UNC5B: variants seen among roughly 807,000 people sequenced by gnomAD.
The protein encoded by UNC5B is unc-5 netrin receptor B.
A neutral mutation model predicts 103.7 loss-of-function variants in UNC5B; 56 were observed. The ratio of observed to expected loss-of-function variants is 0.54; its 90% CI spans 0.44 to 0.67. The LOEUF (loss-of-function observed/expected upper bound fraction) is 0.67, where lower values mean the gene tolerates loss of function less well. Ranked by LOEUF, UNC5B falls within the 30% of genes least tolerant of loss-of-function variation. The probability of loss-of-function intolerance (pLI) is 0.00; values close to 1 mark genes in which losing one functional copy is unlikely to be tolerated. For synonymous variants in UNC5B, 577 were observed against 542.0 expected, an observed-to-expected ratio of 1.06 and a Z score of -0.90; for missense variants, 1,194 against 1,284.5, an observed-to-expected ratio of 0.93 and a Z score of 1.08.
At chr10:71,260,063 G>T (rs1011995126) in intron 1 of UNC5B, among the ~76,000 whole-genome samples, 6 of 152,130 alleles carry the variant, frequency 3.9e-5, no homozygotes, top group Non-Finnish European at 8.8e-5. Context: ...GAGAGAGGTA[G>T]GGGGGGCATG....
intron 2 of UNC5B, among the ~76,000 whole-genome samples, chr10:71,280,795 G>A (rs1174053397): frequency 1.3e-5 from 2 of 152,228 alleles, no homozygotes; most frequent in African/African-American, 4.8e-5. Flanking sequence ...TGATAGTGCA[G>A]GAGCCCTCGG....
intron 15 of UNC5B, among the ~76,000 whole-genome samples, chr10:71,297,246 A>G (rs1845465292): frequency 6.6e-6 from 1 of 152,220 alleles, no homozygotes; most frequent in South Asian, 2.1e-4. Flanking sequence ...CTTGGCATAT[A>G]CCAAAAAACT....
chr10:71,227,928 G>T (rs919942748), intron 1 of UNC5B, among the ~76,000 whole-genome samples: 2 of 152,152 alleles, frequency 1.3e-5, no homozygotes, highest in Admixed American at 6.5e-5. Flanking sequence ...GGGTAAAGAA[G>T]AAGTAAAACT....
At chr10:71,279,798 G>C (rs1192820038) in intron 1 of UNC5B, 23 bp from the exon 2 acceptor site, 22 of 1,606,658 alleles carry the variant, frequency 1.4e-5, no homozygotes, top group Non-Finnish European at 1.8e-5. Context: ...ACAGCCTCAT[G>C]GAGGTCTCCA....
chr10:71,235,091 A>ACTCTGCCTCTGCCTCTGC (rs749369234), intron 1 of UNC5B, among the ~76,000 whole-genome samples: 2 of 87,420 alleles, frequency 2.3e-5, no homozygotes, highest in Admixed American at 1.1e-4. Flanking sequence ...GCTGCCTCTG[A>ACTCTGCCTCTGCCTCTGC]CTCTGCCTCT....
intron 1 of UNC5B, among the ~76,000 whole-genome samples, chr10:71,252,662 C>T (rs1400948792): frequency 6.6e-6 from 1 of 152,208 alleles, no homozygotes; most frequent in Non-Finnish European, 1.5e-5. Flanking sequence ...GGCATCATTT[C>T]TCCCATCTTA....
chr10:71,214,230 T>A (rs994348307), intron 1 of UNC5B, among the ~76,000 whole-genome samples: 4 of 151,924 alleles, frequency 2.6e-5, no homozygotes, highest in Admixed American at 6.5e-5. Context: ...TCCTACCTCC[T>A]GCTGCGAAGT....
At chr10:71,219,101 C>G (rs1843398774) in intron 1 of UNC5B, among the ~76,000 whole-genome samples, 1 of 151,928 alleles carries the variant, frequency 6.6e-6, no homozygotes, top group South Asian at 2.1e-4. Context: ...AATCACAGTC[C>G]CTCGCCCCAC....
intron 1 of UNC5B, among the ~76,000 whole-genome samples, chr10:71,275,651 C>T (rs907981409): frequency 3.9e-5 from 6 of 152,082 alleles, no homozygotes; most frequent in African/African-American, 9.7e-5. Flanking sequence ...GTCACTTAAA[C>T]GCTTTTGGTC....
chr10:71,227,133 T>C (rs1332024710), intron 1 of UNC5B, among the ~76,000 whole-genome samples: 2 of 152,026 alleles, frequency 1.3e-5, no homozygotes, highest in Non-Finnish European at 2.9e-5. Context: ...TAGAGGTGTG[T>C]GCCACCATGC....
At chr10:71,296,487 C>T (rs1845415562) in intron 14 of UNC5B, 91 bp from the exon 15 acceptor site, 1 of 1,473,426 alleles carries the variant, frequency 6.8e-7, no homozygotes, top group Non-Finnish European at 9.1e-7. Flanking sequence ...GAACTGCCCC[C>T]CAAAGCTCCC....
intron 1 of UNC5B, among the ~76,000 whole-genome samples, chr10:71,251,246 A>G (rs1398071192): frequency 6.6e-6 from 1 of 152,202 alleles, no homozygotes; most frequent in Non-Finnish European, 1.5e-5. Flanking sequence ...AGGTCAGGGT[A>G]AGGAAGGTAG....
chr10:71,239,424 T>G (rs1474857443), intron 1 of UNC5B, among the ~76,000 whole-genome samples: 5 of 150,486 alleles, frequency 3.3e-5, no homozygotes, highest in African/African-American at 1.2e-4. Flanking sequence ...TTCGGGTGGG[T>G]GGGATGAGGG....
chr10:71,272,715 C>T (rs893941176), intron 1 of UNC5B, among the ~76,000 whole-genome samples: 6 of 152,180 alleles, frequency 3.9e-5, no homozygotes, highest in African/African-American at 1.4e-4. Flanking sequence ...CGCGGGGCTC[C>T]AAGGGCTCCA....
intron 14 of UNC5B, 25 bp from the exon 15 acceptor site, chr10:71,296,553 T>C (rs1411036716): frequency 2.5e-6 from 4 of 1,611,842 alleles, no homozygotes; most frequent in Non-Finnish European, 3.4e-6. Flanking sequence ...CTTGCCTGCC[T>C]GGTCCTGACC....
rs779024604 is a variant in UNC5B at position 71,279,894 on chromosome 10, G to T, written c.153G>T (p.Leu51=). 6.2e-7 allele frequency: 1 copy of T among 1,613,950 alleles called. No homozygotes were observed. Among genetic ancestry groups the T allele is most frequent in the East Asian group, 2.2e-5 (1 of 44,878 alleles). ...CAGCAGAGCCGCTGCCCTACTTCCT[G>T]CAGGAGCCACAGGACGCCTACATTG... The part of the protein sequence containing the change: ...SAPAEPLPYF[L]QEPQDAYIVK... Residue 51 remains leucine (L), a synonymous_variant, in exon 2 of 17, where the codon CTG becomes CTT. Coordinates refer to ENST00000335350, the MANE Select transcript of UNC5B (RefSeq NM_170744.5).
chr10:71,260,477 CTGCTGGGTG>C (rs1844391967), intron 1 of UNC5B, among the ~76,000 whole-genome samples: 1 of 152,220 alleles, frequency 6.6e-6, no homozygotes, highest in Non-Finnish European at 1.5e-5. Flanking sequence ...AGGCCCAGTG[CTGCTGGGTG>C]AGGCAGGCAC....
intron 1 of UNC5B, among the ~76,000 whole-genome samples, chr10:71,216,497 C>G (rs1843331807): frequency 1.3e-5 from 2 of 152,206 alleles, no homozygotes; most frequent in South Asian, 2.1e-4. Flanking sequence ...GAGCAACTGC[C>G]CTGACCTGGG....
chr10:71,245,147 A>G (rs560677842), intron 1 of UNC5B, among the ~76,000 whole-genome samples: 4 of 152,072 alleles, frequency 2.6e-5, no homozygotes, highest in Admixed American at 6.5e-5. Flanking sequence ...ACCACTTTTG[A>G]AAAGATTTCT....
Sources: allele counts gnomAD v4.1 joint callset (sites outside exome capture counted in the v4.1 genomes callset), GRCh38; gene constraint gnomAD v4.1.1; transcripts MANE v1.5; gene names NCBI Gene and HGNC (gene_info 2026-07-23, HGNC 2026-07-21).